Variants in LCT observed in about 807,000 individuals in gnomAD.
LCT encodes the protein lactase/phlorizin hydrolase.
A neutral mutation model predicts 173.0 loss-of-function variants in LCT; 90 were observed. That is an observed-to-expected ratio of 0.52 (90% CI 0.44 to 0.62). The LOEUF is 0.62. Among genes scored for constraint, LCT ranks in the 20% least tolerant of loss-of-function variants. LCT has a pLI of 0.00. For synonymous variants in LCT, 853 were observed against 957.6 expected, an observed-to-expected ratio of 0.89 and a Z score of 2.02; for missense variants, 1,864 against 2,431.4, an observed-to-expected ratio of 0.77 and a Z score of 4.91.
intron 13 of LCT, 127 bp downstream of exon 13, chr2:135,797,902 G>A: frequency 1.4e-6 from 1 of 724,120 alleles, no homozygotes; most frequent in Non-Finnish European, 2.5e-6. Flanking sequence ...GCTGGGCTAA[G>A]CTTTACATAT....
chr2:135,817,805 T>C lies in LCT; in HGVS notation c.1243A>G (p.Arg415Gly), dbSNP rs1207505386. 1.9e-6 allele frequency: 3 copies of C among 1,614,030 alleles called. No individual in the cohort carries two copies. Among genetic ancestry groups the C allele is most frequent in the Non-Finnish European group, 2.5e-6 (3 of 1,180,012 alleles). Reference protein sequence around the residue: ...GRGVSIWDPRRPLNTTEGQAT... With the variant: ...GRGVSIWDPRGPLNTTEGQAT... ...TGGCCCTCAGTGGTGTTCAGGGGCC[T>C]GCGTGGATCCCAGATGCTCACCCCT... Residue 415 changes from arginine (R) to glycine (G), a missense_variant, in exon 6 of 17, where the codon AGG becomes GGG. This residue lies in a region of LCT where 183 missense variants were observed against 293.1 expected (regional missense o/e 0.62). Coordinates refer to ENST00000264162, the MANE Select transcript of LCT (RefSeq NM_002299.4).
chr2:135,804,856 C>T lies in LCT; in HGVS notation c.4375G>A (p.Asp1459Asn). 6.2e-7 allele frequency: 1 copy of T among 1,614,158 alleles called. No individual in the cohort carries two copies. The highest frequency in any genetic ancestry group is 8.5e-7 in the Non-Finnish European group (1 of 1,180,034). ...FSISWSRILP[D>N]GTTRYINEAG... ...TCATTGATGTACCTGGTGGTTCCAT[C>T]AGGGAGGATGCGAGACCAGGAGATG... The change falls in exon 10 of 17, where the codon GAT (aspartate) becomes AAT (asparagine). Residue 1459 changes from aspartate to asparagine, a missense_variant. Coordinates refer to ENST00000264162, the MANE Select transcript of LCT (RefSeq NM_002299.4).
chr2:135,820,014 G>A (rs2077814625), intron 5 of LCT, among the ~76,000 whole-genome samples: 1 of 152,200 alleles, frequency 6.6e-6, no homozygotes, highest in Non-Finnish European at 1.5e-5. Context: ...GGGCTCCTAA[G>A]TTCTCCCTTT....
rs542943201 is a variant in LCT at position 135,810,404 on chromosome 2, C to A, written c.2354-411G>T. ...TTTGGGGGTGACTTGGGTTACCCCC[C>A]AAATGTTCATCCTTTTTCCTCCTCA... On this transcript the variant is annotated intron_variant, in intron 7 of 16. Coordinates refer to ENST00000264162, the MANE Select transcript of LCT (RefSeq NM_002299.4). The A allele has an allele frequency of 2.0e-4, 32 of 161,778 alleles. No homozygotes were observed. In the East Asian group the frequency reaches 4.6e-3, roughly 23 times the overall value. The allele number at this position is 161,778 out of a possible 1,614,324, so 10.0% of individuals were successfully genotyped here.
chr2:135,808,913 C>A lies in LCT; in HGVS notation c.3434G>T (p.Arg1145Leu). 1 of 1,614,220 alleles carries A rather than the reference C, an allele frequency of 6.2e-7. No individual in the cohort carries two copies. The highest frequency in any genetic ancestry group is 1.3e-5 in the African/African-American group (1 of 75,056). ...CCAGCCCAGGGAGAACTGCAGCATTCGGTCAGCGGCTTCCACATCTCTGGG... is the reference window on the plus strand; with the variant it reads ...CCAGCCCAGGGAGAACTGCAGCATTAGGTCAGCGGCTTCCACATCTCTGGG... Reference protein sequence around the residue: ...GVPRDVEAADRMLQFSLGWFA... With the variant: ...GVPRDVEAADLMLQFSLGWFA... The change falls in exon 8 of 17, where the codon CGA becomes CTA. Residue 1145 changes from arginine (R) to leucine (L), a missense_variant. By Grantham distance (102) the Arg-to-Leu change is moderately radical. This residue lies in a region of LCT where 755 missense variants were observed against 926.3 expected (regional missense o/e 0.82). Transcript: ENST00000264162.
rs372128230 is a variant in LCT, at chr2:135,837,055, A to C, written c.115T>G (p.Leu39Val). ...ISTAGPLTND[L>V]LHNLSGLLGD... is the part of the protein sequence containing the mutation. ...AGGAGACCACTCAGGTTGTGCAGCA[A>C]GTCATTGGTTAGAGGACCAGCGGTG... Residue 39 changes from leucine to valine, a missense_variant, in exon 1 of 17, where the codon TTG (leucine) becomes GTG (valine). Leu to Val is a conservative substitution (Grantham distance 32). Transcript: ENST00000264162. 6.2e-7 allele frequency: 1 copy of C among 1,614,028 alleles called. No homozygotes were observed. The highest frequency in any genetic ancestry group is 1.3e-5 in the African/African-American group (1 of 74,924).
chr2:135,799,479 CT>C (rs745994855), intron 12 of LCT, among the ~76,000 whole-genome samples: 1,867 of 142,142 alleles, frequency 0.013, 21 homozygotes, highest in African/African-American at 0.038. Flanking sequence ...CACCTGCTTC[CT>C]TTTTTTTTTT....
chr2:135,837,154 G>A lies in LCT; in HGVS notation c.16C>T (p.His6Tyr). Residue 6 changes from histidine (H) to tyrosine (Y), a missense_variant, in exon 1 of 17, where the codon CAT becomes TAT. By Grantham distance (83) the His-to-Tyr change is moderately conservative (BLOSUM62 2). Coordinates refer to ENST00000264162, the MANE Select transcript of LCT (RefSeq NM_002299.4). Reference protein sequence around the residue: MELSWHVVFIALLSFS... With the variant: MELSWYVVFIALLSFS... ...CTTAGCAGGGCAATAAAGACTACAT[G>A]CCAAGACAGCTCCATTTTCTAGGAA... 6.2e-7 allele frequency: 1 copy of A among 1,613,234 alleles called. No homozygotes were observed. Among genetic ancestry groups the A allele is most frequent in the South Asian group, 1.1e-5 (1 of 91,080 alleles).
At chr2:135,811,082 TGTA>T (rs1407754077) in intron 7 of LCT, among the ~76,000 whole-genome samples, 1 of 151,242 alleles carries the variant, frequency 6.6e-6, no homozygotes, top group Non-Finnish European at 1.5e-5. Flanking sequence ...GGTGTGCACC[TGTA>T]GTCCCAGCCA....
At chr2:135,803,895 A>T (rs765164540) in intron 11 of LCT, 35 bp downstream of exon 11, 7 of 1,583,376 alleles carry the variant, frequency 4.4e-6, no homozygotes, top group South Asian at 1.1e-5. Flanking sequence ...GAATGCCATG[A>T]TTCAAAGAGC....
intron 10 of LCT, 65 bp downstream of exon 10, chr2:135,804,702 G>T: frequency 7.1e-7 from 1 of 1,411,378 alleles, no homozygotes; most frequent in Non-Finnish European, 1.0e-6. Flanking sequence ...TGATAAATGT[G>T]CTCCCCCAGC....
Position 135,788,077 on chromosome 2 carries a change from A to G in LCT, c.*247T>C, listed in dbSNP as rs1304373425. 1 of 534,924 alleles carries G rather than the reference A, an allele frequency of 1.9e-6. No individual in the cohort carries two copies. The highest frequency in any genetic ancestry group is 1.9e-5 in the African/African-American group (1 of 52,478). 33.1% of individuals were successfully genotyped at this position (534,924 alleles called of 1,614,324 possible). A position where few individuals can be genotyped will look rare whatever the true frequency, so the allele number is the denominator to read the frequency against. On this transcript the variant is annotated 3_prime_UTR_variant, in exon 17 of 17. Transcript: ENST00000264162. ...ACAGACCCACTAGACCAGTATCTAC[A>G]CGTTTCCGCAAGAGCTACTTGCTTC...
At chr2:135,814,875 C>T (rs944023162) in intron 6 of LCT, among the ~76,000 whole-genome samples, 1 of 151,988 alleles carries the variant, frequency 6.6e-6, no homozygotes. Flanking sequence ...ATTAGTTCCC[C>T]CATCAAAATT....
At chr2:135,792,514 G>A (rs2077540426) in intron 14 of LCT, among the ~76,000 whole-genome samples, 1 of 152,226 alleles carries the variant, frequency 6.6e-6, no homozygotes, top group African/African-American at 2.4e-5. Flanking sequence ...GAAGGCTTGT[G>A]GCCTGGGGTG....
chr2:135,833,322 T>A, intron 1 of LCT, 132 bp from the exon 2 acceptor site: 2 of 767,826 alleles, frequency 2.6e-6, no homozygotes, highest in Admixed American at 3.7e-5. Context: ...CTGAAAGATT[T>A]TAGAAGACAA....
Position 135,789,778 on chromosome 2 carries a change from G to A in LCT, c.5356C>T (p.Leu1786Phe), listed in dbSNP as rs2077519893. 6 of 1,613,950 alleles carry A rather than the reference G, an allele frequency of 3.7e-6. No homozygotes were observed. The highest frequency in any genetic ancestry group is 1.3e-5 in the African/African-American group (1 of 74,942). ...GCACTCCAAACTGTGTATCCTCGAA[G>A]GTCCACCTTGTCCTGCACAGCTGCT... ...ALKAVQDKVD[L>F]RGYTVWSAMD... The change falls in exon 16 of 17, where the codon CTT (leucine) becomes TTT (phenylalanine). Residue 1786 changes from leucine (L) to phenylalanine (F), a missense_variant. Leu to Phe is a conservative substitution (Grantham distance 22, BLOSUM62 0). Transcript: ENST00000264162.
chr2:135,806,525 C>T (rs1262746883), intron 9 of LCT, among the ~76,000 whole-genome samples: 1 of 152,174 alleles, frequency 6.6e-6, no homozygotes, highest in Non-Finnish European at 1.5e-5. Context: ...AAAGCAACTC[C>T]CAGTCCAGCA....
At chr2:135,803,897 T>G (rs749895700) in intron 11 of LCT, 33 bp downstream of exon 11, 1 of 1,589,094 alleles carries the variant, frequency 6.3e-7, no homozygotes, top group Non-Finnish European at 8.6e-7. Flanking sequence ...ATGCCATGAT[T>G]CAAAGAGCCT....
At chr2:135,792,205 TAGA>T (rs2077537645) in intron 14 of LCT, among the ~76,000 whole-genome samples, 1 of 152,088 alleles carries the variant, frequency 6.6e-6, no homozygotes, top group South Asian at 2.1e-4. Context: ...AATGTAAAAG[TAGA>T]AGAAGCAGTG....
Sources: allele counts gnomAD v4.1 joint callset (sites outside exome capture counted in the v4.1 genomes callset), GRCh38; gene constraint gnomAD v4.1.1; regional missense constraint gnomAD v4.1.1; transcripts MANE v1.5; gene names NCBI Gene and HGNC (gene_info 2026-07-23, HGNC 2026-07-21).